JAK1: variants seen among roughly 807,000 people sequenced by gnomAD.
The protein encoded by JAK1 is tyrosine-protein kinase JAK1.
JAK1 carries 16 observed loss-of-function variants against 136.6 expected under a neutral mutation model. That is an observed-to-expected ratio of 0.12 (90% confidence interval 0.08 to 0.18). JAK1 has a LOEUF of 0.18. Ranked by LOEUF, JAK1 falls within the 10% of genes least tolerant of loss-of-function variation. The probability of loss-of-function intolerance (pLI) is 1.00; values close to 1 mark genes in which losing one functional copy is unlikely to be tolerated. For missense variants in JAK1, 859 were observed against 1,450.1 expected (o/e 0.59, Z 6.62); for synonymous variants, 492 against 519.5 (o/e 0.95, Z 0.72).
chr1:64,884,096 T>TA (rs1417808116), intron 2 of JAK1, among the ~76,000 whole-genome samples: 1 of 152,110 alleles, frequency 6.6e-6, no homozygotes, highest in African/African-American at 2.4e-5. Flanking sequence ...GCCTGGTTCC[T>TA]ACCACCCCAG....
chr1:65,066,825 C>T (rs186987224), intron 1 of JAK1: 1 of 152,928 alleles, frequency 6.5e-6, no homozygotes, highest in Non-Finnish European at 1.5e-5. Flanking sequence ...AACATCCAGG[C>T]TCTATTTACA....
Position 64,834,553 on chromosome 1 carries a change from T to TCATG in JAK1, c.*5_*8dup, listed in dbSNP as rs758882869. 1.9e-6 allele frequency: 3 copies of TCATG among 1,547,684 alleles called. No individual in the cohort carries two copies. The highest frequency in any genetic ancestry group is 1.8e-6 in the Non-Finnish European group (2 of 1,121,322). On this transcript the variant is annotated 3_prime_UTR_variant, in exon 25 of 25. Transcript: ENST00000342505. ...ATAATCTGTGGAATTTAAATGTTAT[T>TCATG]CATGCTTCTTATTTTAAAAGTGCTT... is the stretch of plus-strand genomic sequence containing the variant.
At chr1:65,048,396 C>G (rs1569945146) in intron 1 of JAK1, among the ~76,000 whole-genome samples, 1 of 152,174 alleles carries the variant, frequency 6.6e-6, no homozygotes, top group African/African-American at 2.4e-5. Flanking sequence ...TTTTCAGAGA[C>G]TTTCAATGTG....
At chr1:65,026,612 A>T (rs1237119066) in intron 2 of JAK1, among the ~76,000 whole-genome samples, 1 of 152,236 alleles carries the variant, frequency 6.6e-6, no homozygotes, top group Non-Finnish European at 1.5e-5. Context: ...GCTTAGGGGC[A>T]GCCATCTGGC....
At chr1:64,902,103 C>T (rs949604035) in intron 1 of JAK1, among the ~76,000 whole-genome samples, 3 of 152,162 alleles carry the variant, frequency 2.0e-5, no homozygotes, top group Admixed American at 2.0e-4. Context: ...TTCTTTATCA[C>T]AGTTTTCTAA....
intron 2 of JAK1, among the ~76,000 whole-genome samples, chr1:65,018,536 G>A (rs892035663): frequency 2.0e-5 from 3 of 151,264 alleles, no homozygotes; most frequent in Admixed American, 2.0e-4. Context: ...GAGTGAAAAA[G>A]GGGATATTAC....
chr1:64,983,320 C>T (rs1276025720), intron 2 of JAK1, among the ~76,000 whole-genome samples: 1 of 152,124 alleles, frequency 6.6e-6, no homozygotes, highest in African/African-American at 2.4e-5. Context: ...GGGCACTCGG[C>T]ACAGGACCAC....
At chr1:65,003,047 G>A (rs1646775408) in intron 2 of JAK1, among the ~76,000 whole-genome samples, 1 of 137,580 alleles carries the variant, frequency 7.3e-6, no homozygotes, top group African/African-American at 2.6e-5. Context: ...GAAAAGCATT[G>A]GCACCGCAGC....
chr1:64,902,521 G>A (rs1645122227), intron 1 of JAK1, among the ~76,000 whole-genome samples: 1 of 146,168 alleles, frequency 6.8e-6, no homozygotes, highest in Non-Finnish European at 1.5e-5. Context: ...CATGAGCACT[G>A]GGGACATGGT....
intron 2 of JAK1, among the ~76,000 whole-genome samples, chr1:65,019,753 T>A (rs1044760702): frequency 6.6e-6 from 1 of 150,606 alleles, no homozygotes; most frequent in Non-Finnish European, 1.5e-5. Flanking sequence ...CCCATCTTTA[T>A]TAAAATTCAA....
At position 64,836,099 on chromosome 1, in the gene JAK1, G is replaced by C. The variant is rs1654463894; in HGVS notation, c.3257C>G (p.Ala1086Gly). 2 of 1,556,234 alleles carry C rather than the reference G, an allele frequency of 1.3e-6. No individual in the cohort carries two copies. Among genetic ancestry groups the C allele is most frequent in the Non-Finnish European group, 1.8e-6 (2 of 1,127,488 alleles). ...AATGAAGAGAAAAGTAGGACTTACA[G>C]CCATGGGACTAGAATCTGAATCACA... ...TYCDSDSSPM[A>G]LFLKMIGPTH... The change falls in exon 23 of 25, where the codon GCT becomes GGT. Residue 1086 changes from alanine (A) to glycine (G), a missense_variant and splice_region_variant. Around this residue, in one of 4 missense-constraint regions of JAK1, gnomAD observed 44 missense variants for 137.6 expected, o/e 0.32. Transcript: ENST00000342505.
intron 1 of JAK1, among the ~76,000 whole-genome samples, chr1:64,911,148 T>C (rs12121669): frequency 0.16 from 23,610 of 151,538 alleles, 1,992 homozygotes; most frequent in East Asian, 0.31. Flanking sequence ...TCACATAAAA[T>C]TGAAGAAAAC....
In JAK1 at chr1:64,866,918, T is replaced by C. The variant is rs1304389880; in HGVS notation, c.938A>G (p.Tyr313Cys). Residue 313 changes from tyrosine (Y) to cysteine (C), a missense_variant, in exon 7 of 25, where the codon TAC becomes TGC. Tyr to Cys is a radical substitution (Grantham distance 194). Around this residue, in one of 4 missense-constraint regions of JAK1, gnomAD observed 353 missense variants for 494.0 expected, o/e 0.71. Transcript: ENST00000342505. ...HSNDGGNVLY[Y>C]EVMVTGNLGI... is the part of the protein sequence containing the mutation. The stretch of plus-strand genomic sequence containing the variant: ...AAGATTCCCAGTCACCATCACTTCG[T>C]AGTAGAGAACGTTTCCACCGTCATT... 1.2e-6 allele frequency: 2 copies of C among 1,614,088 alleles called. No homozygotes were observed. Among genetic ancestry groups the C allele is most frequent in the African/African-American group, 2.7e-5 (2 of 74,950 alleles).
intron 5 of JAK1, 59 bp from the exon 6 acceptor site, chr1:64,869,533 C>G: frequency 1.4e-6 from 2 of 1,461,926 alleles, no homozygotes; most frequent in Admixed American, 3.6e-5. Context: ...GACAAGAAGG[C>G]TACTACACAG....
intron 2 of JAK1, among the ~76,000 whole-genome samples, chr1:65,040,714 C>T (rs567676486): frequency 6.6e-5 from 10 of 152,088 alleles, no homozygotes; most frequent in African/African-American, 1.4e-4. Context: ...CCCATAGTGG[C>T]GCTCTGGTTT....
At chr1:64,905,829 GAA>G (rs1188201878) in intron 1 of JAK1, among the ~76,000 whole-genome samples, 1 of 152,144 alleles carries the variant, frequency 6.6e-6, no homozygotes. Flanking sequence ...CCTAAATGAG[GAA>G]AAGAGGTCAG....
At chr1:64,995,477 G>A (rs945852573) in intron 2 of JAK1, among the ~76,000 whole-genome samples, 1 of 152,114 alleles carries the variant, frequency 6.6e-6, no homozygotes, top group African/African-American at 2.4e-5. Context: ...TAAGCCTGTA[G>A]GTATTTCAAA....
intron 1 of JAK1, among the ~76,000 whole-genome samples, chr1:64,959,504 C>T (rs1348632046): frequency 8.6e-6 from 1 of 116,254 alleles, no homozygotes; most frequent in Non-Finnish European, 2.2e-5. Flanking sequence ...CTGAAGACAC[C>T]GTTTTACAAA....
At chr1:65,009,238 T>A (rs547173758) in intron 2 of JAK1, among the ~76,000 whole-genome samples, 76 of 152,156 alleles carry the variant, frequency 5.0e-4, no homozygotes, top group Middle Eastern at 3.4e-3. Flanking sequence ...ACAGAAAAAA[T>A]CAAGTAGAAT....
Sources: gnomAD v4.1 joint callset for allele counts (sites outside exome capture counted in the v4.1 genomes callset) on GRCh38, gnomAD v4.1.1 for gene constraint, gnomAD v4.1.1 regional missense constraint, MANE v1.5 for transcripts, NCBI Gene and HGNC (gene_info 2026-07-23, HGNC 2026-07-21) for gene names.